Variants in CEP295 observed in about 807,000 individuals in gnomAD.
CEP295 encodes centrosomal protein 295.
Under a neutral mutation model 291.6 loss-of-function variants are expected in CEP295, and 190 were observed. That is an observed-to-expected ratio of 0.65 (90% CI 0.58 to 0.73). The LOEUF (loss-of-function observed/expected upper bound fraction) is 0.73. Among genes scored for constraint, CEP295 ranks in the 30% least tolerant of loss-of-function variants. The pLI is 0.00. For synonymous variants in CEP295, 993 were observed against 1,038.8 expected, an observed-to-expected ratio of 0.96 and a Z score of 0.85; for missense variants, 2,863 against 2,949.4, an observed-to-expected ratio of 0.97 and a Z score of 0.68.
chr11:93,683,595 C>A lies in CEP295; in HGVS notation c.802C>A (p.Gln268Lys), dbSNP rs930485471. Residue 268 changes from glutamine (Q) to lysine (K), a missense_variant, in exon 8 of 30, where the codon CAG becomes AAG. Transcript: ENST00000325212. ...EKLMKELKQL[Q>K]QEDLARRRQT... Reference sequence around the variant, plus strand: ...ACTAATGAAAGAACTCAAACAGCTACAGCAAGAGGACCTGGCACGTAGGAG... The same window carrying A: ...ACTAATGAAAGAACTCAAACAGCTAAAGCAAGAGGACCTGGCACGTAGGAG... The A allele has an allele frequency of 2.6e-6, 4 of 1,532,372 alleles. No individual in the cohort carries two copies. The African/African-American group carries it at 5.6e-5, about 21-fold the overall frequency. The allele number at this position is 1,532,372 out of a possible 1,614,324, so 94.9% of individuals were successfully genotyped here. A position where few individuals can be genotyped will look rare whatever the true frequency, so the allele number is the denominator to read the frequency against.
chr11:93,728,960 T>G, intron 25 of CEP295, 139 bp downstream of exon 25: 1 of 700,762 alleles, frequency 1.4e-6, no homozygotes, highest in Non-Finnish European at 2.3e-6. Context: ...CAGCTCTCAA[T>G]TTGTCTTAAA....
intron 5 of CEP295, among the ~76,000 whole-genome samples, chr11:93,671,405 A>G (rs1167230318): frequency 1.3e-5 from 2 of 152,018 alleles, no homozygotes; most frequent in African/African-American, 2.4e-5. Flanking sequence ...AATATCTGAA[A>G]TTTGGTCAGC....
rs544519613 is a variant in CEP295, at chr11:93,699,540, C to T, written c.4628C>T (p.Ser1543Phe). The T allele has an allele frequency of 1.3e-6, 2 of 1,551,762 alleles. No homozygotes were observed. Among genetic ancestry groups the T allele is most frequent in the East Asian group, 4.9e-5 (2 of 40,912 alleles). ...RLSELEKRVSSEQVCSSSFVS... is the reference protein window; with the variant it reads ...RLSELEKRVSFEQVCSSSFVS... ...AGTGAATTGGAGAAAAGGGTATCATCTGAACAAGTTTGCTCCTCTTCATTT... is the reference window on the plus strand; with the variant it reads ...AGTGAATTGGAGAAAAGGGTATCATTTGAACAAGTTTGCTCCTCTTCATTT... Residue 1543 changes from serine to phenylalanine, a missense_variant, in exon 15 of 30, where the codon TCT (serine) becomes TTT (phenylalanine). Ser to Phe is a radical substitution (Grantham distance 155). Transcript: ENST00000325212.
chr11:93,690,729 CAAAAAAAAA>C (rs10608060), intron 10 of CEP295, among the ~76,000 whole-genome samples: 12 of 68,368 alleles, frequency 1.8e-4, no homozygotes, highest in African/African-American at 5.1e-4. Context: ...GACTCCGTCT[CAAAAAAAAA>C]AAAAAAAAAA....
At chr11:93,674,104 A>G (rs968213943) in intron 5 of CEP295, among the ~76,000 whole-genome samples, 1 of 152,078 alleles carries the variant, frequency 6.6e-6, no homozygotes, top group African/African-American at 2.4e-5. Context: ...CAGGGATTAC[A>G]GGTGTGTGCT....
At chr11:93,729,344 G>C in intron 25 of CEP295, 90 bp from the exon 26 acceptor site, 1 of 851,436 alleles carries the variant, frequency 1.2e-6, no homozygotes, top group Non-Finnish European at 1.9e-6. Flanking sequence ...AGTGAGGTGT[G>C]ATCATGCCGC....
chr11:93,701,108 T>C (rs989815394), intron 15 of CEP295, among the ~76,000 whole-genome samples: 16 of 152,196 alleles, frequency 1.1e-4, no homozygotes, highest in Admixed American at 9.2e-4. Context: ...TCAGGCCTTA[T>C]AATCCCAGCA....
chr11:93,665,954 A>G (rs1950191017), intron 1 of CEP295, among the ~76,000 whole-genome samples: 1 of 152,226 alleles, frequency 6.6e-6, no homozygotes, highest in South Asian at 2.1e-4. Context: ...TGAACAAGTT[A>G]TGAAGGTTCT....
intron 5 of CEP295, among the ~76,000 whole-genome samples, chr11:93,672,621 A>G (rs570796193): frequency 6.6e-6 from 1 of 152,056 alleles, no homozygotes; most frequent in African/African-American, 2.4e-5. Context: ...TGCATGAGCC[A>G]GTGTCAGGTA....
At chr11:93,690,095 T>G (rs1360829568) in intron 10 of CEP295, among the ~76,000 whole-genome samples, 3 of 152,126 alleles carry the variant, frequency 2.0e-5, no homozygotes, top group African/African-American at 7.2e-5. Context: ...ACTCTCATAG[T>G]CAATCCGTGA....
At chr11:93,679,673 T>A in intron 7 of CEP295, 121 bp downstream of exon 7, 1 of 715,074 alleles carries the variant, frequency 1.4e-6, no homozygotes, top group Non-Finnish European at 2.0e-6. Context: ...AGTCTCTGAT[T>A]CATATGATTT....
chr11:93,672,348 C>G (rs1485202535), intron 5 of CEP295, among the ~76,000 whole-genome samples: 1 of 151,972 alleles, frequency 6.6e-6, no homozygotes, highest in Non-Finnish European at 1.5e-5. Flanking sequence ...GCTATGAAGA[C>G]TTCTCATGTA....
intron 18 of CEP295, 24 bp downstream of exon 18, chr11:93,706,921 A>C: frequency 1.3e-6 from 2 of 1,512,178 alleles, no homozygotes; most frequent in Non-Finnish European, 1.8e-6. Flanking sequence ...GGAAAGTGGA[A>C]TTGTATGCAC....
At position 93,697,392 on chromosome 11, in the gene CEP295, G is replaced by C; in HGVS notation, c.2480G>C (p.Ser827Thr). Reference protein sequence around the residue: ...STVSTSHSIISQMHDRPLLPS... With the variant: ...STVSTSHSIITQMHDRPLLPS... ...GTTTCCACAAGCCATTCTATAATCA[G>C]CCAAATGCATGATAGGCCTTTGCTG... Residue 827 changes from serine (S) to threonine (T), a missense_variant, in exon 15 of 30, where the codon AGC becomes ACC. Transcript: ENST00000325212. The C allele has an allele frequency of 3.2e-6, 5 of 1,552,074 alleles. No individual in the cohort carries two copies. Among genetic ancestry groups the C allele is most frequent in the Non-Finnish European group, 4.4e-6 (5 of 1,147,072 alleles).
rs1357140001 is a variant in CEP295 at position 93,697,785 on chromosome 11, A to G, written c.2873A>G (p.Asn958Ser). The stretch of plus-strand genomic sequence containing the variant: ...TTTAAATTTCTCCAAGAGCAGTTGA[A>G]TATTCAGAAGGATAGCCTTCAGGCT... ...NNFKFLQEQL[N>S]IQKDSLQARR... Residue 958 changes from asparagine to serine, a missense_variant, in exon 15 of 30, where the codon AAT becomes AGT. Around this residue, in one of 3 missense-constraint regions of CEP295, gnomAD observed 2,295 missense variants for 2,335.7 expected, o/e 0.98. Transcript: ENST00000325212. The G allele has an allele frequency of 6.4e-7, 1 of 1,551,670 alleles. No individual in the cohort carries two copies. The highest frequency in any genetic ancestry group is 8.7e-7 in the Non-Finnish European group (1 of 1,147,010).
At chr11:93,713,177 A>AT (rs1953026441) in intron 18 of CEP295, among the ~76,000 whole-genome samples, 1 of 152,074 alleles carries the variant, frequency 6.6e-6, no homozygotes. Context: ...AAAGTCGTAC[A>AT]TATTATTTTT....
In CEP295 at chr11:93,697,897, C is replaced by G. The variant is rs375961612; in HGVS notation, c.2985C>G (p.Phe995Leu). The G allele has an allele frequency of 6.8e-5, 105 of 1,551,564 alleles. No homozygotes were observed. Among genetic ancestry groups the G allele is most frequent in the Non-Finnish European group, 8.6e-5 (99 of 1,147,000 alleles). ...GTTCCGAACAGGCTGAGCCCTCTTTCCCATTTCAGGTAGCTCAGCATACAT... is the reference window on the plus strand; with the variant it reads ...GTTCCGAACAGGCTGAGCCCTCTTTGCCATTTCAGGTAGCTCAGCATACAT... The part of the protein sequence containing the change: ...RVCSEQAEPS[F>L]PFQVAQHTFT... Residue 995 changes from phenylalanine to leucine, a missense_variant, in exon 15 of 30, where the codon TTC becomes TTG. Transcript: ENST00000325212.
Position 93,711,826 on chromosome 11 carries a change from GT to G in CEP295, c.5749+4942del, listed in dbSNP as rs200548650. Among the ~76,000 whole-genome samples, 1,176 of 141,408 alleles carry G rather than the reference GT, an allele frequency of 8.3e-3. 12 individuals are homozygous for G. Among genetic ancestry groups the G allele is most frequent in the African/African-American group, 0.023 (884 of 38,752 alleles). The allele number at this position is 141,408 out of a possible 152,430, so 92.8% of individuals were successfully genotyped here. A position where few individuals can be genotyped will look rare whatever the true frequency, so the allele number is the denominator to read the frequency against. ...ACTCCTGGGCTATTTAAGTTTGTTT[GT>G]TTTTTTTTTTTTAATGTTTTAAGCC... On this transcript the variant is annotated intron_variant, in intron 18 of 29. Coordinates refer to ENST00000325212, the MANE Select transcript of CEP295 (RefSeq NM_033395.2).
At position 93,730,057 on chromosome 11, in the gene CEP295, A is replaced by G. The variant is rs142756909; in HGVS notation, c.7676A>G (p.Asn2559Ser). 9.0e-6 allele frequency: 14 copies of G among 1,549,250 alleles called. No individual in the cohort carries two copies. The Admixed American group carries it at 1.8e-4, about 20-fold the overall frequency. Residue 2559 changes from asparagine (N) to serine (S), a missense_variant, in exon 29 of 30, where the codon AAT becomes AGT. Physicochemically the swap from Asn to Ser is conservative, Grantham distance 46 (BLOSUM62 1). This residue lies in a region of CEP295 where 2,295 missense variants were observed against 2,335.7 expected (regional missense o/e 0.98). Coordinates refer to ENST00000325212, the MANE Select transcript of CEP295 (RefSeq NM_033395.2). Reference sequence around the variant, plus strand: ...ATATAAATTCTTTACAGGTTATACAATCAACTAGCTGAAGTGAAACAACAA... The same window carrying G: ...ATATAAATTCTTTACAGGTTATACAGTCAACTAGCTGAAGTGAAACAACAA... Reference protein sequence around the residue: ...LRHQRGLRLYNQLAEVKQQKE... With the variant: ...LRHQRGLRLYSQLAEVKQQKE...
Sources: allele counts gnomAD v4.1 joint callset (sites outside exome capture counted in the v4.1 genomes callset), GRCh38; gene constraint gnomAD v4.1.1; regional missense constraint gnomAD v4.1.1; transcripts MANE v1.5; gene names NCBI Gene and HGNC (gene_info 2026-07-23, HGNC 2026-07-21).